Variants in PTPRM observed in about 807,000 individuals in gnomAD.
The protein encoded by PTPRM is protein tyrosine phosphatase receptor type M, also known as receptor-type tyrosine-protein phosphatase mu.
A neutral mutation model predicts 186.7 loss-of-function variants in PTPRM; 47 were observed. The ratio of observed to expected loss-of-function variants is 0.25; its 90% CI spans 0.20 to 0.32. PTPRM has a LOEUF of 0.32. Ranked by LOEUF, PTPRM falls within the 10% of genes least tolerant of loss-of-function variation. PTPRM has a pLI of 1.00. For synonymous variants in PTPRM, 668 were observed against 674.9 expected, an observed-to-expected ratio of 0.99 and a Z score of 0.16; for missense variants, 1,494 against 1,865.0, an observed-to-expected ratio of 0.80 and a Z score of 3.66.
At chr18:8,392,605 T>G (rs1161787342) in intron 31 of PTPRM, among the ~76,000 whole-genome samples, 1 of 151,184 alleles carries the variant, frequency 6.6e-6, no homozygotes, top group Non-Finnish European at 1.5e-5. Context: ...CCAGCCTGGG[T>G]GACAGAGTGA....
intron 2 of PTPRM, among the ~76,000 whole-genome samples, chr18:7,829,515 TAAAC>T (rs1055099772): frequency 1.3e-5 from 2 of 152,206 alleles, no homozygotes; most frequent in South Asian, 2.1e-4. Flanking sequence ...ATTATATATG[TAAAC>T]AAACAAAACA....
intron 1 of PTPRM, among the ~76,000 whole-genome samples, chr18:7,690,384 G>C (rs868634062): frequency 3.9e-5 from 6 of 152,162 alleles, no homozygotes; most frequent in Non-Finnish European, 7.4e-5. Flanking sequence ...GTTAACCATT[G>C]TGTATTCTTC....
At position 7,774,186 on chromosome 18, in the gene PTPRM, A is replaced by T; in HGVS notation, c.111A>T (p.Gly37=). The stretch of plus-strand genomic sequence containing the variant: ...TTGATGAGCCGTATAGCACATGTGG[A>T]TATAGTCAATCTGAAGGTGATGACT... The part of the protein sequence containing the change: ...CLFDEPYSTC[G]YSQSEGDDFN... Residue 37 remains glycine (G), a synonymous_variant, in exon 2 of 33, where the codon GGA becomes GGT. Coordinates refer to ENST00000580170, the MANE Select transcript of PTPRM (RefSeq NM_001105244.2). 1 of 1,612,450 alleles carries T rather than the reference A, an allele frequency of 6.2e-7. No homozygotes were observed. Among genetic ancestry groups the T allele is most frequent in the South Asian group, 1.1e-5 (1 of 91,042 alleles).
chr18:7,852,363 G>C (rs772342852), intron 2 of PTPRM, among the ~76,000 whole-genome samples: 2 of 152,050 alleles, frequency 1.3e-5, no homozygotes, highest in Non-Finnish European at 2.9e-5. Context: ...GATCGCTAGA[G>C]GCCAGGAGTT....
At chr18:8,186,351 A>G (rs2093642378) in intron 14 of PTPRM, among the ~76,000 whole-genome samples, 1 of 151,698 alleles carries the variant, frequency 6.6e-6, no homozygotes, top group Non-Finnish European at 1.5e-5. Context: ...AAAAAGAATG[A>G]AAAGTATTTT....
chr18:8,199,978 G>T (rs2093831495), intron 14 of PTPRM, among the ~76,000 whole-genome samples: 1 of 151,990 alleles, frequency 6.6e-6, no homozygotes, highest in Admixed American at 6.6e-5. Flanking sequence ...ATAATATATG[G>T]GTATTATTTG....
chr18:8,160,694 C>T (rs574533081), intron 14 of PTPRM, among the ~76,000 whole-genome samples: 5 of 152,234 alleles, frequency 3.3e-5, no homozygotes, highest in South Asian at 4.1e-4. Context: ...TCTAGACTTC[C>T]GTCTTCAGTG....
rs368069623 is a variant in PTPRM, at chr18:7,701,627, T to C, written c.74-72522T>C. 2.6e-5 allele frequency among the ~76,000 whole-genome samples: 4 copies of C among 151,762 alleles called. No individual in the cohort carries two copies. In the East Asian group the frequency reaches 5.8e-4, roughly 22 times the overall value. Reference sequence around the variant, plus strand: ...AATATATATATAATAATAAAGCATATTGAGGAGAGAAGGAGACTATTATGA... The same window carrying C: ...AATATATATATAATAATAAAGCATACTGAGGAGAGAAGGAGACTATTATGA... On this transcript the variant is annotated intron_variant, in intron 1 of 32. Transcript: ENST00000580170.
chr18:7,726,714 G>A (rs1234310369), intron 1 of PTPRM, among the ~76,000 whole-genome samples: 10 of 152,206 alleles, frequency 6.6e-5, no homozygotes, highest in Non-Finnish European at 1.3e-4. Flanking sequence ...TTGCAGAATG[G>A]TGTTCCAAAC....
intron 13 of PTPRM, among the ~76,000 whole-genome samples, chr18:8,132,138 G>A (rs1307687903): frequency 1.3e-5 from 2 of 152,178 alleles, no homozygotes; most frequent in South Asian, 2.1e-4. Context: ...CTGAGATTTT[G>A]TGTAGGTGTT....
chr18:8,056,078 T>C (rs1290221978), intron 7 of PTPRM, among the ~76,000 whole-genome samples: 1 of 152,194 alleles, frequency 6.6e-6, no homozygotes, highest in Non-Finnish European at 1.5e-5. Context: ...GATATGCCAT[T>C]CTGTTATAAT....
intron 1 of PTPRM, among the ~76,000 whole-genome samples, chr18:7,733,892 C>T (rs2040713311): frequency 6.6e-6 from 1 of 152,212 alleles, no homozygotes; most frequent in South Asian, 2.1e-4. Context: ...GTTCTCTTTT[C>T]TGCACAAAAC....
At position 7,568,243 on chromosome 18, in the gene PTPRM, C is replaced by T. The variant is rs988605059; in HGVS notation, c.73+352C>T. Among the ~76,000 whole-genome samples, 6 of 151,966 alleles carry T rather than the reference C, an allele frequency of 3.9e-5. No homozygotes were observed. Among genetic ancestry groups the T allele is most frequent in the African/African-American group, 1.4e-4 (6 of 41,522 alleles). ...GCAAAAGGAACAGCAGAAAACTTTGCTTGAAGTTCCCAGTTGCAGCCGCCG... is the reference window on the plus strand; with the variant it reads ...GCAAAAGGAACAGCAGAAAACTTTGTTTGAAGTTCCCAGTTGCAGCCGCCG... On this transcript the variant is annotated intron_variant, in intron 1 of 32. Coordinates refer to ENST00000580170, the MANE Select transcript of PTPRM (RefSeq NM_001105244.2). The surrounding 1 kb of genome is among the most constrained non-coding windows in gnomAD (Gnocchi z 5.1).
chr18:7,766,823 T>C (rs1291465839), intron 1 of PTPRM, among the ~76,000 whole-genome samples: 1 of 152,242 alleles, frequency 6.6e-6, no homozygotes, highest in African/African-American at 2.4e-5. Context: ...GAAAAAGATT[T>C]AGAGCTAAGA....
At chr18:7,915,853 G>A (rs2050526223) in intron 4 of PTPRM, among the ~76,000 whole-genome samples, 1 of 152,004 alleles carries the variant, frequency 6.6e-6, no homozygotes, top group African/African-American at 2.4e-5. Context: ...ACTAAACAAG[G>A]GGAATCTAGG....
At chr18:8,102,899 G>T (rs372829319) in intron 11 of PTPRM, among the ~76,000 whole-genome samples, 43 of 152,260 alleles carry the variant, frequency 2.8e-4, no homozygotes, top group African/African-American at 8.4e-4. Context: ...ATGACTCCTT[G>T]ACCCATGGGC....
At chr18:8,259,897 C>T (rs968001705) in intron 19 of PTPRM, among the ~76,000 whole-genome samples, 1 of 152,190 alleles carries the variant, frequency 6.6e-6, no homozygotes, top group African/African-American at 2.4e-5. Flanking sequence ...CCATCTTGGC[C>T]TCCCAAAGTG....
At chr18:8,375,817 A>C (rs2095690967) in intron 24 of PTPRM, among the ~76,000 whole-genome samples, 1 of 152,192 alleles carries the variant, frequency 6.6e-6, no homozygotes, top group African/African-American at 2.4e-5. Context: ...AAAAATTAGC[A>C]TTTTCCCCAA....
intron 1 of PTPRM, among the ~76,000 whole-genome samples, chr18:7,607,078 A>G (rs2037548135): frequency 1.3e-5 from 2 of 152,040 alleles, no homozygotes; most frequent in South Asian, 2.1e-4. Context: ...ACTTCACAAA[A>G]GACTTCAGAA....
Sources: allele counts gnomAD v4.1 joint callset (sites outside exome capture counted in the v4.1 genomes callset), GRCh38; gene constraint gnomAD v4.1.1; non-coding constraint Gnocchi (gnomAD v3.1); transcripts MANE v1.5; gene names NCBI Gene and HGNC (gene_info 2026-07-23, HGNC 2026-07-21).